Variants in ROBO2 observed in about 807,000 individuals in gnomAD.
ROBO2 encodes the protein roundabout guidance receptor 2, also known as roundabout homolog 2.
ROBO2 carries 53 observed loss-of-function variants against 160.8 expected under a neutral mutation model. That is an observed-to-expected ratio of 0.33 (90% CI 0.26 to 0.41). The LOEUF is 0.41. Among genes scored for constraint, ROBO2 ranks in the 10% least tolerant of loss-of-function variants. ROBO2 has a pLI of 1.00. For missense variants in ROBO2, 1,577 were observed against 1,722.4 expected, an observed-to-expected ratio of 0.92 and a Z score of 1.49; for synonymous variants, 664 against 611.7, an observed-to-expected ratio of 1.09 and a Z score of -1.26.
intron 2 of ROBO2, among the ~76,000 whole-genome samples, chr3:76,400,819 A>T (rs972282868): frequency 6.6e-6 from 1 of 151,542 alleles, no homozygotes. Flanking sequence ...AATAATGTAG[A>T]CCATTCAGTG....
chr3:77,111,208 A>G (rs2073534947), intron 2 of ROBO2, among the ~76,000 whole-genome samples: 1 of 152,172 alleles, frequency 6.6e-6, no homozygotes, highest in African/African-American at 2.4e-5. Flanking sequence ...AAAAAAGCAT[A>G]TCTAGAATTT....
At chr3:77,458,663 A>T (rs996129976) in intron 2 of ROBO2, among the ~76,000 whole-genome samples, 1 of 152,108 alleles carries the variant, frequency 6.6e-6, no homozygotes, top group Non-Finnish European at 1.5e-5. Context: ...TCAAAGAAGC[A>T]AGTGTCATCA....
At chr3:76,446,922 T>TA (rs2109208006) in intron 2 of ROBO2, among the ~76,000 whole-genome samples, 1 of 152,234 alleles carries the variant, frequency 6.6e-6, no homozygotes, top group Non-Finnish European at 1.5e-5. Context: ...ATATTAGATC[T>TA]AAAACCATAA....
chr3:77,021,786 T>C (rs973238853), intron 2 of ROBO2, among the ~76,000 whole-genome samples: 1 of 152,150 alleles, frequency 6.6e-6, no homozygotes, highest in Non-Finnish European at 1.5e-5. Context: ...GGGTTTCTGA[T>C]AAATCAAATG....
chr3:77,049,506 C>T (rs1249618790), intron 1 of ROBO2, among the ~76,000 whole-genome samples: 1 of 152,148 alleles, frequency 6.6e-6, no homozygotes, highest in Non-Finnish European at 1.5e-5. Context: ...TCTTATGATT[C>T]ACATCCACTC....
intron 2 of ROBO2, among the ~76,000 whole-genome samples, chr3:75,997,749 T>C (rs2065773695): frequency 6.6e-6 from 1 of 152,094 alleles, no homozygotes; most frequent in South Asian, 2.1e-4. Flanking sequence ...CACCTTGGCC[T>C]CCCAAAGTGC....
At chr3:76,025,521 A>T (rs1371681572) in intron 2 of ROBO2, among the ~76,000 whole-genome samples, 3 of 151,810 alleles carry the variant, frequency 2.0e-5, no homozygotes, top group Admixed American at 6.6e-5. Context: ...TCAATCATCT[A>T]TTTGTGACCT....
chr3:77,192,484 T>G (rs1433261280), intron 2 of ROBO2, among the ~76,000 whole-genome samples: 1 of 152,142 alleles, frequency 6.6e-6, no homozygotes, highest in African/African-American at 2.4e-5. Context: ...TGTTAGTATT[T>G]CTATTTATCT....
At chr3:76,183,939 A>G (rs1012458204) in intron 2 of ROBO2, among the ~76,000 whole-genome samples, 3 of 152,178 alleles carry the variant, frequency 2.0e-5, no homozygotes, top group Admixed American at 2.0e-4. Context: ...GTGAATTACA[A>G]AATAACTCAT....
chr3:77,034,053 A>G (rs2063480682), intron 2 of ROBO2, among the ~76,000 whole-genome samples: 2 of 151,278 alleles, frequency 1.3e-5, no homozygotes, highest in East Asian at 1.9e-4. Context: ...TATAATGAAA[A>G]AGCCAAAATT....
intron 2 of ROBO2, among the ~76,000 whole-genome samples, chr3:76,265,610 C>G (rs757803724): frequency 6.6e-6 from 1 of 152,034 alleles, no homozygotes; most frequent in Non-Finnish European, 1.5e-5. Flanking sequence ...ATTTTGAGCA[C>G]CTGCAAAGTG....
intron 2 of ROBO2, among the ~76,000 whole-genome samples, chr3:76,615,399 TTAA>T: frequency 1.3e-5 from 2 of 152,208 alleles, no homozygotes; most frequent in East Asian, 1.9e-4. Context: ...ATCAAATTGT[TTAA>T]TAATAATAAT....
chr3:76,272,944 AAAAT>A (rs1707634026), intron 2 of ROBO2, among the ~76,000 whole-genome samples: 3 of 27,488 alleles, frequency 1.1e-4, no homozygotes, highest in African/African-American at 2.1e-4. Context: ...ATAAATATAT[AAAAT>A]ATATAATATA....
At chr3:76,253,553 A>G (rs1056897259) in intron 2 of ROBO2, among the ~76,000 whole-genome samples, 3 of 150,634 alleles carry the variant, frequency 2.0e-5, no homozygotes, top group African/African-American at 7.3e-5. Flanking sequence ...GATTACAGAC[A>G]TGAGTCACCA....
At chr3:77,277,777 C>CT (rs1279231363) in intron 2 of ROBO2, among the ~76,000 whole-genome samples, 1 of 152,100 alleles carries the variant, frequency 6.6e-6, no homozygotes, top group East Asian at 1.9e-4. Context: ...GTACATATAT[C>CT]TTTTTGCTAG....
At chr3:75,911,544 C>G (rs954133023) in intron 1 of ROBO2, among the ~76,000 whole-genome samples, 23 of 131,772 alleles carry the variant, frequency 1.7e-4, no homozygotes, top group Non-Finnish European at 3.6e-4. Context: ...CTTTCTGAAG[C>G]CTTGTTTCTT....
rs1482943575 is a variant in ROBO2, at chr3:76,370,034, A to C, written c.109+432432A>C. On this transcript the variant is annotated intron_variant, in intron 2 of 26. Coordinates refer to the ROBO2 transcript ENST00000487694. ...ATAAATTATACAATTAGTTTAGTAGATCTCGATGAGTGTTTTTAATGAAAT... is the reference window on the plus strand; with the variant it reads ...ATAAATTATACAATTAGTTTAGTAGCTCTCGATGAGTGTTTTTAATGAAAT... Among the ~76,000 whole-genome samples the C allele has an allele frequency of 2.0e-5, 3 of 152,036 alleles. No individual in the cohort carries two copies. In the East Asian group the frequency reaches 5.8e-4, roughly 29 times the overall value.
At chr3:76,662,911 C>T (rs2091887608) in intron 2 of ROBO2, among the ~76,000 whole-genome samples, 1 of 152,114 alleles carries the variant, frequency 6.6e-6, no homozygotes. Context: ...AAATTGAACT[C>T]AGGTCCACAG....
intron 2 of ROBO2, among the ~76,000 whole-genome samples, chr3:76,386,451 GA>G (rs1225925884): frequency 6.6e-6 from 1 of 150,690 alleles, no homozygotes; most frequent in Non-Finnish European, 1.5e-5. Flanking sequence ...AAGACAAGCG[GA>G]AGATTCAGCA....
Sources: allele counts gnomAD v4.1 joint callset (sites outside exome capture counted in the v4.1 genomes callset), GRCh38; gene constraint gnomAD v4.1.1; transcripts MANE v1.5; gene names NCBI Gene and HGNC (gene_info 2026-07-23, HGNC 2026-07-21).